The following GBP2 variants were observed in gnomAD, a reference collection of about 807,000 sequenced individuals.
GBP2 encodes the protein guanylate-binding protein 2.
GBP2 carries 54 observed loss-of-function variants against 60.8 expected under a neutral mutation model. That is an observed-to-expected ratio of 0.89 (90% CI 0.71 to 1.11). The LOEUF (loss-of-function observed/expected upper bound fraction) is 1.11. GBP2 is among the 50% of genes most tolerant of loss of function. The probability of loss-of-function intolerance (pLI) is 0.00; values close to 1 mark genes in which losing one functional copy is unlikely to be tolerated. For missense variants in GBP2, 665 were observed against 703.3 expected, an observed-to-expected ratio of 0.95 and a Z score of 0.62; for synonymous variants, 243 against 256.5, an observed-to-expected ratio of 0.95 and a Z score of 0.50.
rs149996423 is a variant in GBP2 at position 89,117,593 on chromosome 1, C to T, written c.609G>A (p.Ser203=). ...PITADDYLEL[S]LKLRKGTDKK... ...CCCAGTAACCTTTTCTTAGCTTTAG[C>T]GAAAGCTCCAAGTAGTCATCAGCAG... Residue 203 remains serine, a synonymous_variant, in exon 5 of 11, where the codon TCG becomes TCA. Transcript: ENST00000370466. The T allele has an allele frequency of 2.5e-5, 40 of 1,613,118 alleles. No individual in the cohort carries two copies. Among genetic ancestry groups the T allele is most frequent in the South Asian group, 3.3e-5 (3 of 90,940 alleles).
rs193093983 is a variant in GBP2, at chr1:89,112,693, T to C, written c.1150-9A>G. The C allele has an allele frequency of 2.5e-6, 4 of 1,606,190 alleles. No homozygotes were observed. The highest frequency in any genetic ancestry group is 4.5e-5 in the East Asian group (2 of 44,848). ...CTTGCTTCCAACTGGGCCTGTGAAG[T>C]GACAAAACAGCACAGATGTTTCAGT... On this transcript the variant is annotated splice_polypyrimidine_tract_variant and intron_variant, in intron 7 of 10. Transcript: ENST00000370466.
At chr1:89,110,376 A>G in intron 8 of GBP2, 110 bp from the exon 9 acceptor site, 4 of 786,434 alleles carry the variant, frequency 5.1e-6, no homozygotes, top group Non-Finnish European at 8.6e-6. Flanking sequence ...CACAAAAAAG[A>G]TACTTGCATA....
intron 5 of GBP2, 132 bp downstream of exon 5, chr1:89,117,442 ATGT>A: frequency 1.1e-6 from 1 of 930,526 alleles, no homozygotes; most frequent in Admixed American, 2.6e-5. Context: ...TAGTCAAGCA[ATGT>A]TTCCATTTCC....
chr1:89,117,028 T>C lies in GBP2; in HGVS notation c.832A>G (p.Lys278Glu). Reference protein sequence around the residue: ...CSYILSHSNVKTLSGGIPVNG... With the variant: ...CSYILSHSNVETLSGGIPVNG... ...ACTGGAATGCCACCTGAAAGAGTCT[T>C]GACATTGGAATGGCTGAGGATGTAG... Residue 278 changes from lysine to glutamate, a missense_variant, in exon 6 of 11, where the codon AAG (lysine) becomes GAG (glutamate). Physicochemically the swap from Lys to Glu is moderately conservative, Grantham distance 56. Transcript: ENST00000370466. The C allele has an allele frequency of 6.2e-7, 1 of 1,614,054 alleles. No individual in the cohort carries two copies. The highest frequency in any genetic ancestry group is 1.3e-5 in the African/African-American group (1 of 75,018).
At chr1:89,119,302 G>A (rs922724383) in intron 4 of GBP2, 3 of 152,160 alleles carry the variant, frequency 2.0e-5, no homozygotes, top group African/African-American at 7.2e-5. Context: ...AAGATTGGAA[G>A]ATCAAATGAG....
chr1:89,107,958 G>A lies in GBP2; in HGVS notation c.*217C>T. 2.6e-6 allele frequency: 1 copy of A among 391,650 alleles called. No homozygotes were observed. Among genetic ancestry groups the A allele is most frequent in the Non-Finnish European group, 4.6e-6 (1 of 217,206 alleles). 24.3% of individuals were successfully genotyped at this position (391,650 alleles called of 1,614,324 possible). A position where few individuals can be genotyped will look rare whatever the true frequency, so the allele number is the denominator to read the frequency against. ...GATTTAGTTAAAGATCATATTAAAA[G>A]TTAGTACTATAAATAAGCATGAGTT... On this transcript the variant is annotated 3_prime_UTR_variant, in exon 11 of 11. Transcript: ENST00000370466.
intron 4 of GBP2, chr1:89,119,180 A>G (rs1431519190): frequency 1.3e-5 from 2 of 152,242 alleles, no homozygotes; most frequent in East Asian, 3.8e-4. Context: ...AAGGTGGAAA[A>G]TTAGGAAATG....
intron 8 of GBP2, among the ~76,000 whole-genome samples, chr1:89,110,514 CCATGG>C (rs1427388801): frequency 7.2e-5 from 11 of 152,092 alleles, no homozygotes; most frequent in Admixed American, 7.2e-4. Flanking sequence ...CCCACACACA[CCATGG>C]AATACTACTC....
chr1:89,117,324 T>A, intron 5 of GBP2, 90 bp from the exon 6 acceptor site: 1 of 1,181,014 alleles, frequency 8.5e-7, no homozygotes, highest in Non-Finnish European at 1.2e-6. Context: ...AAAGCCCATG[T>A]AAGGAGGAAA....
At chr1:89,111,390 C>A (rs368813052) in intron 8 of GBP2, among the ~76,000 whole-genome samples, 2 of 152,006 alleles carry the variant, frequency 1.3e-5, no homozygotes, top group Non-Finnish European at 2.9e-5. Flanking sequence ...ATGGTATGAT[C>A]TTATATTTGG....
intron 4 of GBP2, chr1:89,119,842 A>G (rs1681359362): frequency 4.3e-6 from 1 of 230,562 alleles, no homozygotes; most frequent in African/African-American, 2.3e-5. Flanking sequence ...ATCATTTAGA[A>G]GGCAACACTT....
Position 89,121,761 on chromosome 1 carries a change from T to G in GBP2, c.190+16A>C. The G allele has an allele frequency of 6.2e-7, 1 of 1,612,572 alleles. No homozygotes were observed. The highest frequency in any genetic ancestry group is 8.5e-7 in the Non-Finnish European group (1 of 1,178,946). ...TACGGACAGAAGGGGCTTAGAGCTT[T>G]GCTGGTGTCACTCACCGTTTTTCTT... On this transcript the variant is annotated intron_variant, in intron 2 of 10. Transcript: ENST00000370466.
rs183702103 is a variant in GBP2 at position 89,114,109 on chromosome 1, C to T, written c.1056G>A (p.Leu352=). 4.8e-5 allele frequency: 78 copies of T among 1,614,236 alleles called. 1 individual carries two copies. The East Asian group carries it at 1.2e-3, about 26-fold the overall frequency. The part of the protein sequence containing the change: ...QLPTETLQEL[L]DLHRDSEREA... ...CTCTCTCACTGTCCCTGTGCAGGTC[C>T]AGCAGCTCCTGGAGGGTTTCCGTGG... The change falls in exon 7 of 11, where the codon CTG becomes CTA. Residue 352 remains leucine (L), a synonymous_variant. Transcript: ENST00000370466.
chr1:89,109,614 C>A, intron 10 of GBP2, 63 bp downstream of exon 10: 2 of 1,499,418 alleles, frequency 1.3e-6, no homozygotes, highest in Non-Finnish European at 1.8e-6. Context: ...AGGTTCTCAA[C>A]CTTATACTTC....
rs371293672 is a variant in GBP2, at chr1:89,122,014, A to G, written c.-17-31T>C. On this transcript the variant is annotated intron_variant, in intron 1 of 10. Transcript: ENST00000370466. ...GTGCAAGGAAAAAGATGAAATGGAA[A>G]GCAGTTTTTAGGTAGTTAGCTATGC... 4 of 1,519,638 alleles carry G rather than the reference A, an allele frequency of 2.6e-6. No individual in the cohort carries two copies. The African/African-American group carries it at 4.2e-5, about 16-fold the overall frequency. The allele number at this position is 1,519,638 out of a possible 1,614,324, so 94.1% of individuals were successfully genotyped here. A position where few individuals can be genotyped will look rare whatever the true frequency, so the allele number is the denominator to read the frequency against.
At position 89,116,973 on chromosome 1, in the gene GBP2, G is replaced by T. The variant is rs756205791; in HGVS notation, c.868+19C>A. On this transcript the variant is annotated intron_variant, in intron 6 of 10. Coordinates refer to ENST00000370466, the MANE Select transcript of GBP2 (RefSeq NM_004120.5). ...AAGGAGAAAGTCCAGGTAGGAAGTG[G>T]GTAGAGAGAGTGACTCACGAGGCCC... is the stretch of plus-strand genomic sequence containing the variant. 6.2e-7 allele frequency: 1 copy of T among 1,613,112 alleles called. No individual in the cohort carries two copies. Among genetic ancestry groups the T allele is most frequent in the Admixed American group, 1.7e-5 (1 of 60,016 alleles).
chr1:89,123,437 A>C (rs1188413832), intron 1 of GBP2, among the ~76,000 whole-genome samples: 7 of 152,228 alleles, frequency 4.6e-5, no homozygotes, highest in Non-Finnish European at 1.0e-4. Context: ...AACAAAACTT[A>C]TTCATGTTTT....
At chr1:89,125,538 A>T (rs1262643260) in intron 1 of GBP2, among the ~76,000 whole-genome samples, 1 of 152,206 alleles carries the variant, frequency 6.6e-6, no homozygotes, top group Non-Finnish European at 1.5e-5. Context: ...GCCTACCTTC[A>T]TTTACCTAGA....
intron 8 of GBP2, among the ~76,000 whole-genome samples, 153 bp from the exon 9 acceptor site, chr1:89,110,419 A>G (rs1351179265): frequency 1.3e-5 from 2 of 152,230 alleles, no homozygotes; most frequent in Non-Finnish European, 2.9e-5. Context: ...TCGCAATTGT[A>G]AAAATATGGA....
Sources: gnomAD v4.1 joint callset for allele counts (sites outside exome capture counted in the v4.1 genomes callset) on GRCh38, gnomAD v4.1.1 for gene constraint, MANE v1.5 for transcripts, NCBI Gene and HGNC (gene_info 2026-07-23, HGNC 2026-07-21) for gene names.